The following ATF7IP variants were observed in gnomAD, a reference collection of about 807,000 sequenced individuals.
ATF7IP encodes activating transcription factor 7-interacting protein 1.
Under a neutral mutation model 106.4 loss-of-function variants are expected in ATF7IP, and 23 were observed. That is an observed-to-expected ratio of 0.22 (90% CI 0.16 to 0.31). ATF7IP has a LOEUF of 0.31. Ranked by LOEUF, ATF7IP falls within the 10% of genes least tolerant of loss-of-function variation. ATF7IP has a pLI of 1.00. For synonymous variants in ATF7IP, 542 were observed against 539.0 expected (o/e 1.01, Z -0.08); for missense variants, 1,334 against 1,524.3 (o/e 0.88, Z 2.08).
intron 2 of ATF7IP, 31 bp from the exon 3 acceptor site, chr12:14,434,306 G>A: frequency 1.5e-6 from 2 of 1,294,420 alleles, no homozygotes; most frequent in Non-Finnish European, 1.1e-6. Context: ...TCTAGTAGAA[G>A]TAAGATTTTC....
In ATF7IP at chr12:14,498,170, C is replaced by A; in HGVS notation, c.*97C>A. 1 of 1,232,636 alleles carries A rather than the reference C, an allele frequency of 8.1e-7. No individual in the cohort carries two copies. The highest frequency in any genetic ancestry group is 1.1e-6 in the Non-Finnish European group (1 of 888,024). The allele number at this position is 1,232,636 out of a possible 1,614,324, so 76.4% of individuals were successfully genotyped here. A position where few individuals can be genotyped will look rare whatever the true frequency, so the allele number is the denominator to read the frequency against. On this transcript the variant is annotated 3_prime_UTR_variant, in exon 15 of 15. Transcript: ENST00000261168. ...TACCCCATGTAAAATCCACCTTGTG[C>A]AAGATTTCTTGGACAGATGTGTGTA... is the stretch of plus-strand genomic sequence containing the variant.
rs1273603001 is a variant in ATF7IP at position 14,441,486 on chromosome 12, TC to T, written c.1929+3220del. 4.8e-4 allele frequency among the ~76,000 whole-genome samples: 65 copies of T among 135,624 alleles called. 1 individual carries two copies. The highest frequency in any genetic ancestry group is 1.9e-4 in the Non-Finnish European group (12 of 62,800). 89.0% of individuals were successfully genotyped at this position (135,624 alleles called of 152,430 possible). A position where few individuals can be genotyped will look rare whatever the true frequency, so the allele number is the denominator to read the frequency against. On this transcript the variant is annotated intron_variant, in intron 5 of 14. Transcript: ENST00000261168. ...TATTTATATATTCTGGATACCAAAG[TC>T]TTTTTTTTTTTTTTTTTTTTGAGAC...
rs188876916 is a variant in ATF7IP, at chr12:14,385,134, T to G, written c.-8+19307T>G. On this transcript the variant is annotated intron_variant, in intron 1 of 14. Transcript: ENST00000261168. ...CTGTTTTCTTTTTCTGTGTCCTGTG[T>G]AGCTGCATTGTTTGTTGCAGTATAT... 149 of 402,394 alleles carry G rather than the reference T, an allele frequency of 3.7e-4. No individual in the cohort carries two copies. The East Asian group carries it at 5.0e-3, about 14-fold the overall frequency. 24.9% of individuals were successfully genotyped at this position (402,394 alleles called of 1,614,324 possible). A position where few individuals can be genotyped will look rare whatever the true frequency, so the allele number is the denominator to read the frequency against.
intron 13 of ATF7IP, chr12:14,481,735 T>G (rs1944436707): frequency 7.5e-6 from 2 of 268,052 alleles, no homozygotes; most frequent in South Asian, 6.9e-5. Flanking sequence ...TATTCTCTAC[T>G]CTATTAAGAA....
intron 13 of ATF7IP, among the ~76,000 whole-genome samples, chr12:14,485,956 A>G (rs1176986158): frequency 6.6e-6 from 1 of 152,050 alleles, no homozygotes; most frequent in African/African-American, 2.4e-5. Flanking sequence ...TGGTGGCACT[A>G]ATCTCCTCAG....
chr12:14,452,724 A>G (rs148703300), intron 6 of ATF7IP, among the ~76,000 whole-genome samples: 8 of 152,256 alleles, frequency 5.3e-5, no homozygotes, highest in Admixed American at 5.2e-4. Flanking sequence ...GTTCTATACC[A>G]GAATTAAAAG....
At chr12:14,473,783 C>CA (rs1944149394) in intron 10 of ATF7IP, among the ~76,000 whole-genome samples, 1 of 150,558 alleles carries the variant, frequency 6.6e-6, no homozygotes, top group African/African-American at 2.4e-5. Flanking sequence ...AGGAGAGCAT[C>CA]ATTGGATATA....
At chr12:14,453,992 G>A (rs957646402) in intron 6 of ATF7IP, among the ~76,000 whole-genome samples, 2 of 152,118 alleles carry the variant, frequency 1.3e-5, no homozygotes, top group Non-Finnish European at 2.9e-5. Context: ...TTACTTTAGG[G>A]TTGGTTTTTG....
At chr12:14,449,884 A>T (rs1407680092) in intron 6 of ATF7IP, among the ~76,000 whole-genome samples, 1 of 151,986 alleles carries the variant, frequency 6.6e-6, no homozygotes, top group Non-Finnish European at 1.5e-5. Flanking sequence ...ATTGTTTTGT[A>T]GTTTTTATTG....
intron 13 of ATF7IP, among the ~76,000 whole-genome samples, chr12:14,486,073 A>T (rs913000653): frequency 1.3e-5 from 2 of 152,180 alleles, no homozygotes; most frequent in African/African-American, 4.8e-5. Context: ...CTACCAGTCA[A>T]GGAGCCAATG....
rs117637905 is a variant in ATF7IP at position 14,441,087 on chromosome 12, A to T, written c.1929+2820A>T. 1.5e-3 allele frequency among the ~76,000 whole-genome samples: 227 copies of T among 152,264 alleles called. 1 individual carries two copies. The highest frequency in any genetic ancestry group is 2.9e-3 in the Non-Finnish European group (197 of 68,022). On this transcript the variant is annotated intron_variant, in intron 5 of 14. Transcript: ENST00000261168. The stretch of plus-strand genomic sequence containing the variant: ...ATACTTGTTTTCAAATCTTTTAGGA[A>T]TATACCTAGGTGTGGAATTGTGGGC...
At chr12:14,467,082 T>G (rs1303680809) in intron 10 of ATF7IP, among the ~76,000 whole-genome samples, 1 of 152,142 alleles carries the variant, frequency 6.6e-6, no homozygotes, top group Admixed American at 6.5e-5. Context: ...GTCTTTGTAC[T>G]TTTTCATATT....
chr12:14,456,929 G>A (rs749866193), intron 7 of ATF7IP, among the ~76,000 whole-genome samples: 2 of 152,216 alleles, frequency 1.3e-5, no homozygotes, highest in Non-Finnish European at 2.9e-5. Context: ...AAAGACTAAT[G>A]TCTGTATATA....
chr12:14,415,696 T>TTG (rs1229002888), intron 1 of ATF7IP, among the ~76,000 whole-genome samples: 2 of 151,568 alleles, frequency 1.3e-5, no homozygotes, highest in Admixed American at 6.6e-5. Flanking sequence ...TTACTGTTTT[T>TTG]TTTTTTTTTT....
chr12:14,474,254 C>T (rs1944169946), intron 10 of ATF7IP, among the ~76,000 whole-genome samples: 2 of 151,482 alleles, frequency 1.3e-5, no homozygotes, highest in South Asian at 2.1e-4. Flanking sequence ...TTTTCCTGCC[C>T]CCTCCAATCT....
At chr12:14,388,840 A>AT (rs1939392149) in intron 1 of ATF7IP, among the ~76,000 whole-genome samples, 2 of 151,810 alleles carry the variant, frequency 1.3e-5, no homozygotes, top group Non-Finnish European at 2.9e-5. Flanking sequence ...GGGTTTTATC[A>AT]TGTTGGCCAA....
At chr12:14,479,702 T>C (rs1163956483) in intron 12 of ATF7IP, among the ~76,000 whole-genome samples, 1 of 152,192 alleles carries the variant, frequency 6.6e-6, no homozygotes, top group East Asian at 1.9e-4. Context: ...TCTTAGATGC[T>C]TATGCAGACT....
At chr12:14,454,402 C>A (rs770961638) in intron 6 of ATF7IP, among the ~76,000 whole-genome samples, 14 of 152,188 alleles carry the variant, frequency 9.2e-5, no homozygotes, top group Non-Finnish European at 1.8e-4. Flanking sequence ...GGCTCACAGG[C>A]ATCCGAAGTG....
Position 14,456,581 on chromosome 12 carries a change from A to C in ATF7IP, c.2016A>C (p.Val672=). Residue 672 remains valine, a synonymous_variant, in exon 7 of 15, where the codon GTA becomes GTC. Coordinates refer to ENST00000261168, the MANE Select transcript of ATF7IP (RefSeq NM_018179.5). ...CCCAGCATCCACCCAACCCACCAGT[A>C]TCACCAGGAAAAACTGTAAATGATG... The part of the protein sequence containing the change: ...KRHEHPPNPP[V]SPGKTVNDVN... 6.2e-7 allele frequency: 1 copy of C among 1,612,492 alleles called. No individual in the cohort carries two copies. Among genetic ancestry groups the C allele is most frequent in the Non-Finnish European group, 8.5e-7 (1 of 1,179,416 alleles).
Sources: allele counts gnomAD v4.1 joint callset (sites outside exome capture counted in the v4.1 genomes callset), GRCh38; gene constraint gnomAD v4.1.1; transcripts MANE v1.5; gene names NCBI Gene and HGNC (gene_info 2026-07-23, HGNC 2026-07-21).